MACO1: variants seen among roughly 807,000 people sequenced by gnomAD.
MACO1 encodes the protein macoilin.
Under a neutral mutation model 78.7 loss-of-function variants are expected in MACO1, and 14 were observed. The ratio of observed to expected loss-of-function variants is 0.18; its 90% confidence interval spans 0.12 to 0.28. The LOEUF (loss-of-function observed/expected upper bound fraction) is 0.28, where lower values mean the gene tolerates loss of function less well. Ranked by LOEUF, MACO1 falls within the 10% of genes least tolerant of loss-of-function variation. The probability of loss-of-function intolerance (pLI) is 1.00; values close to 1 mark genes in which losing one functional copy is unlikely to be tolerated. For synonymous variants in MACO1, 288 were observed against 291.6 expected (o/e 0.99, Z 0.12); for missense variants, 501 against 799.0 (o/e 0.63, Z 4.50).
At chr1:25,475,416 A>G (rs1286676089) in intron 6 of MACO1, among the ~76,000 whole-genome samples, 1 of 151,866 alleles carries the variant, frequency 6.6e-6, no homozygotes, top group Non-Finnish European at 1.5e-5. Flanking sequence ...GGAGTGACCT[A>G]AAAAGTTTAT....
chr1:25,442,008 T>A (rs1234223616), intron 1 of MACO1, among the ~76,000 whole-genome samples: 3 of 152,240 alleles, frequency 2.0e-5, no homozygotes, highest in Non-Finnish European at 4.4e-5. Context: ...GAAATTTATG[T>A]TATATACCAG....
intron 6 of MACO1, among the ~76,000 whole-genome samples, chr1:25,463,084 C>A (rs1286016699): frequency 1.3e-5 from 2 of 152,144 alleles, no homozygotes; most frequent in Non-Finnish European, 2.9e-5. Flanking sequence ...TGACGTCCAT[C>A]ATATAGTAGT....
intron 3 of MACO1, among the ~76,000 whole-genome samples, chr1:25,451,992 G>A (rs771777321): frequency 6.6e-6 from 1 of 151,076 alleles, no homozygotes; most frequent in Non-Finnish European, 1.5e-5. Context: ...TTTTTGATAT[G>A]TTAAATTCAT....
rs1445152491 is a variant in MACO1, at chr1:25,499,408, G to C, written c.*942G>C. ...GGGCAGTGTTTGTGGACGAGAGACT[G>C]TAACGATGGCTAATAAAAGCTGCGG... On this transcript the variant is annotated 3_prime_UTR_variant, in exon 11 of 11. Coordinates refer to ENST00000374343, the MANE Select transcript of MACO1 (RefSeq NM_018202.6). 1 of 150,662 alleles carries C rather than the reference G, an allele frequency of 6.6e-6. No individual in the cohort carries two copies. The highest frequency in any genetic ancestry group is 1.5e-5 in the Non-Finnish European group (1 of 67,848). 9.3% of individuals were successfully genotyped at this position (150,662 alleles called of 1,614,324 possible). A position where few individuals can be genotyped will look rare whatever the true frequency, so the allele number is the denominator to read the frequency against.
chr1:25,452,530 C>T (rs891612381), intron 3 of MACO1, among the ~76,000 whole-genome samples: 2 of 152,068 alleles, frequency 1.3e-5, no homozygotes, highest in African/African-American at 2.4e-5. Context: ...ACAACTTGTT[C>T]TTACTTAAGG....
At chr1:25,474,091 A>G (rs2043298401) in intron 6 of MACO1, among the ~76,000 whole-genome samples, 1 of 152,192 alleles carries the variant, frequency 6.6e-6, no homozygotes, top group African/African-American at 2.4e-5. Context: ...CTCATTCAGT[A>G]CTGAACCTGA....
chr1:25,491,318 A>G, intron 9 of MACO1, 92 bp from the exon 10 acceptor site: 1 of 1,551,658 alleles, frequency 6.4e-7, no homozygotes. Context: ...CCAGACCAAG[A>G]ATAGTGGGAT....
intron 4 of MACO1, 106 bp downstream of exon 4, chr1:25,454,488 A>ATATATAT (rs1441909435): frequency 2.3e-4 from 17 of 72,378 alleles, no homozygotes; most frequent in African/African-American, 5.7e-4. Flanking sequence ...ATATATATAT[A>ATATATAT]TTTTTTTTTT....
intron 3 of MACO1, among the ~76,000 whole-genome samples, chr1:25,453,962 T>C (rs2043092281): frequency 6.6e-6 from 1 of 152,162 alleles, no homozygotes; most frequent in Non-Finnish European, 1.5e-5. Context: ...TAAATTATTT[T>C]CTTTAGTTAG....
At chr1:25,472,201 T>C (rs907702460) in intron 6 of MACO1, among the ~76,000 whole-genome samples, 4 of 152,000 alleles carry the variant, frequency 2.6e-5, no homozygotes, top group Admixed American at 2.6e-4. Context: ...TAAAAAAATA[T>C]ATATATTATA....
chr1:25,496,994 A>G (rs942682017), intron 10 of MACO1, among the ~76,000 whole-genome samples: 2 of 152,238 alleles, frequency 1.3e-5, no homozygotes, highest in African/African-American at 2.4e-5. Flanking sequence ...GTTAGTATAC[A>G]TAAGCATTTA....
intron 10 of MACO1, among the ~76,000 whole-genome samples, chr1:25,495,524 TG>T (rs930574099): frequency 6.6e-6 from 1 of 152,184 alleles, no homozygotes; most frequent in Non-Finnish European, 1.5e-5. Flanking sequence ...TCCTTTCTAC[TG>T]CTCTCACTGC....
intron 6 of MACO1, among the ~76,000 whole-genome samples, chr1:25,475,822 T>C (rs555463911): frequency 1.3e-5 from 2 of 152,366 alleles, no homozygotes; most frequent in South Asian, 4.1e-4. Context: ...TGCATATATA[T>C]TCTTTTTACA....
intron 8 of MACO1, among the ~76,000 whole-genome samples, chr1:25,487,013 C>T (rs903208080): frequency 1.3e-5 from 2 of 152,164 alleles, no homozygotes; most frequent in African/African-American, 4.8e-5. Flanking sequence ...GAGGACATAG[C>T]AGTTCCTTAA....
intron 8 of MACO1, among the ~76,000 whole-genome samples, chr1:25,487,614 T>C (rs931376026): frequency 1.3e-5 from 2 of 151,960 alleles, no homozygotes; most frequent in East Asian, 1.9e-4. Context: ...CTCAACCTTA[T>C]GATAGCCCTG....
intron 8 of MACO1, among the ~76,000 whole-genome samples, chr1:25,487,261 C>G (rs2043441850): frequency 6.6e-6 from 1 of 152,188 alleles, no homozygotes; most frequent in Non-Finnish European, 1.5e-5. Flanking sequence ...TCAAGCGATT[C>G]TCCTGCCTCA....
chr1:25,469,857 A>G (rs1260094859), intron 6 of MACO1, among the ~76,000 whole-genome samples: 1 of 151,904 alleles, frequency 6.6e-6, no homozygotes, highest in African/African-American at 2.4e-5. Flanking sequence ...CGAACTCCTG[A>G]CTTTGTGATC....
At chr1:25,455,417 T>C (rs1437437587) in intron 4 of MACO1, among the ~76,000 whole-genome samples, 1 of 152,138 alleles carries the variant, frequency 6.6e-6, no homozygotes, top group African/African-American at 2.4e-5. Context: ...AGTAATCAAC[T>C]AAAAAAATAC....
intron 4 of MACO1, 104 bp downstream of exon 4, chr1:25,454,486 ATATT>A (rs2124582950): frequency 9.8e-5 from 14 of 143,482 alleles, no homozygotes; most frequent in South Asian, 3.1e-4. Context: ...ATATATATAT[ATATT>A]TTTTTTTTTT....
Sources: allele counts gnomAD v4.1 joint callset (sites outside exome capture counted in the v4.1 genomes callset), GRCh38; gene constraint gnomAD v4.1.1; transcripts MANE v1.5; gene names NCBI Gene and HGNC (gene_info 2026-07-23, HGNC 2026-07-21).